The following MSRA variants were observed in gnomAD, a reference collection of about 807,000 sequenced individuals.
The protein encoded by MSRA is mitochondrial peptide methionine sulfoxide reductase.
Under a neutral mutation model 31.3 loss-of-function variants are expected in MSRA, and 54 were observed. The observed-to-expected ratio is 1.73, with a 90% CI of 1.39 to 2.17. MSRA has a LOEUF of 2.17. Ranked by LOEUF, MSRA falls within the 30% of genes most tolerant of loss-of-function variation. MSRA has a pLI of 0.00. For synonymous variants in MSRA, 169 were observed against 116.5 expected (o/e 1.45, Z -2.90); for missense variants, 507 against 300.9 (o/e 1.69, Z -5.07).
chr8:10,293,664 G>A (rs1800371623), intron 3 of MSRA, among the ~76,000 whole-genome samples: 1 of 152,194 alleles, frequency 6.6e-6, no homozygotes, highest in Non-Finnish European at 1.5e-5. Context: ...CTCTTCCTCA[G>A]CTGTACTGCA....
intron 3 of MSRA, among the ~76,000 whole-genome samples, chr8:10,251,208 C>T (rs1003580355): frequency 3.2e-4 from 47 of 148,398 alleles, no homozygotes; most frequent in African/African-American, 1.1e-3. Flanking sequence ...ACTCAGTATA[C>T]TTTTTTTTTT....
At chr8:10,184,003 AGGT>A (rs1195239874) in intron 1 of MSRA, among the ~76,000 whole-genome samples, 1 of 38,876 alleles carries the variant, frequency 2.6e-5, no homozygotes, top group African/African-American at 1.0e-4. Flanking sequence ...CTTGGCTACT[AGGT>A]GGTGGTGGTG....
intron 4 of MSRA, among the ~76,000 whole-genome samples, chr8:10,314,819 A>T (rs553112847): frequency 1.9e-4 from 29 of 152,334 alleles, no homozygotes; most frequent in Admixed American, 1.2e-3. Flanking sequence ...AAATGGAAGG[A>T]CCTCATGATC....
chr8:10,190,940 A>G (rs1807455572), intron 1 of MSRA, among the ~76,000 whole-genome samples: 1 of 152,212 alleles, frequency 6.6e-6, no homozygotes, highest in South Asian at 2.1e-4. Flanking sequence ...TTCAGGAGTC[A>G]GTAAACTAGG....
chr8:10,422,217 T>C (rs1808856616), intron 5 of MSRA, among the ~76,000 whole-genome samples: 1 of 152,110 alleles, frequency 6.6e-6, no homozygotes, highest in African/African-American at 2.4e-5. Context: ...GCCCAGAAGG[T>C]AGGGCCTGCC....
chr8:10,245,251 C>T (rs777951574), intron 3 of MSRA, 28 bp downstream of exon 3: 29 of 1,605,458 alleles, frequency 1.8e-5, no homozygotes, highest in Non-Finnish European at 2.5e-5. Flanking sequence ...TATTGTATTA[C>T]TAGGAGAAAC....
At chr8:10,396,867 G>A (rs538017463) in intron 5 of MSRA, among the ~76,000 whole-genome samples, 2 of 152,192 alleles carry the variant, frequency 1.3e-5, no homozygotes, top group Non-Finnish European at 2.9e-5. Flanking sequence ...CCTTCCCTGA[G>A]CCTCCCAGCC....
chr8:10,212,698 G>C (rs1389203699), intron 2 of MSRA, among the ~76,000 whole-genome samples: 2 of 152,124 alleles, frequency 1.3e-5, no homozygotes, highest in African/African-American at 2.4e-5. Context: ...GGGATGTAGG[G>C]TAATGAATTC....
intron 1 of MSRA, among the ~76,000 whole-genome samples, chr8:10,177,526 A>G (rs1162191661): frequency 6.6e-6 from 1 of 151,996 alleles, no homozygotes; most frequent in Non-Finnish European, 1.5e-5. Context: ...GGAGGAAAGG[A>G]TTGTGTTTTA....
intron 4 of MSRA, among the ~76,000 whole-genome samples, chr8:10,307,955 G>C (rs187059174): frequency 6.6e-6 from 1 of 152,208 alleles, no homozygotes; most frequent in Admixed American, 6.5e-5. Context: ...AAGTGACAGC[G>C]TGCAGCTTCT....
intron 1 of MSRA, among the ~76,000 whole-genome samples, chr8:10,065,340 G>A (rs1425472245): frequency 6.6e-6 from 1 of 152,206 alleles, no homozygotes; most frequent in Non-Finnish European, 1.5e-5. Flanking sequence ...TCCTCAGAAT[G>A]TAAGAGGGGT....
chr8:10,274,248 G>C (rs1365668883), intron 3 of MSRA, among the ~76,000 whole-genome samples: 1 of 152,146 alleles, frequency 6.6e-6, no homozygotes, highest in Non-Finnish European at 1.5e-5. Flanking sequence ...AAAAGGCTTG[G>C]GTATGTACGG....
Position 10,219,638 on chromosome 8 carries a change from C to G in MSRA, c.211+11737C>G, listed in dbSNP as rs988134836. 5.3e-5 allele frequency among the ~76,000 whole-genome samples: 8 copies of G among 151,832 alleles called. No individual in the cohort carries two copies. The East Asian group carries it at 9.7e-4, about 18-fold the overall frequency. On this transcript the variant is annotated intron_variant, in intron 2 of 5. Coordinates refer to ENST00000317173, the MANE Select transcript of MSRA (RefSeq NM_012331.5). ...TGGCTAACACGGTGAAACCCCGTCT[C>G]TACTAAAAATACAAAAAATTAGCTG...
chr8:10,246,578 C>G (rs1365734909), intron 3 of MSRA, among the ~76,000 whole-genome samples: 2 of 152,138 alleles, frequency 1.3e-5, no homozygotes, highest in African/African-American at 4.8e-5. Context: ...GCGCTCAGCC[C>G]TCCAAGGGCA....
intron 1 of MSRA, among the ~76,000 whole-genome samples, chr8:10,148,287 C>G (rs542332068): frequency 6.6e-6 from 1 of 151,338 alleles, no homozygotes; most frequent in Non-Finnish European, 1.5e-5. Flanking sequence ...ATTTTTAGAT[C>G]AGGGCTGAAG....
chr8:10,386,318 G>A (rs1806389949), intron 5 of MSRA, among the ~76,000 whole-genome samples: 1 of 152,124 alleles, frequency 6.6e-6, no homozygotes, highest in African/African-American at 2.4e-5. Context: ...TTTCACACCA[G>A]ATAATTTTCT....
chr8:10,294,754 C>T (rs534182333), intron 3 of MSRA, among the ~76,000 whole-genome samples: 12 of 152,164 alleles, frequency 7.9e-5, no homozygotes, highest in Admixed American at 7.2e-4. Flanking sequence ...ACTGGAGGGG[C>T]ACCCACTCAG....
chr8:10,205,007 AG>A (rs1339658470), intron 1 of MSRA, among the ~76,000 whole-genome samples: 7 of 152,322 alleles, frequency 4.6e-5, no homozygotes, highest in Middle Eastern at 3.4e-3. Flanking sequence ...CTGAGGGATC[AG>A]GGTGGCTGTG....
chr8:10,383,109 T>G (rs1585638798), intron 5 of MSRA, among the ~76,000 whole-genome samples: 1 of 152,248 alleles, frequency 6.6e-6, no homozygotes, highest in East Asian at 1.9e-4. Context: ...AGGCTCAGGA[T>G]CATAGATCCA....
Sources: allele counts gnomAD v4.1 joint callset (sites outside exome capture counted in the v4.1 genomes callset), GRCh38; gene constraint gnomAD v4.1.1; transcripts MANE v1.5; gene names NCBI Gene and HGNC (gene_info 2026-07-23, HGNC 2026-07-21).